Variants in PECAM1 observed in about 807,000 individuals in gnomAD.
PECAM1 encodes platelet and endothelial cell adhesion molecule 1, also known as platelet endothelial cell adhesion molecule.
In PECAM1, 8 loss-of-function variants were observed where a neutral mutation model predicts 13.8. The observed-to-expected ratio is 0.58, with a 90% CI of 0.34 to 1.05. The LOEUF (loss-of-function observed/expected upper bound fraction) is 1.05. PECAM1 is among the 50% of genes least tolerant of loss of function. The pLI, the probability that PECAM1 is intolerant of heterozygous loss-of-function variation, is 0.03. For synonymous variants in PECAM1, 136 were observed against 52.6 expected (o/e 2.58, Z -6.86); for missense variants, 304 against 141.2 (o/e 2.15, Z -5.84).
intron 14 of PECAM1, among the ~76,000 whole-genome samples, chr17:64,334,302 A>G: frequency 6.6e-6 from 1 of 151,790 alleles, no homozygotes; most frequent in East Asian, 1.9e-4. Context: ...CCTATTGCTT[A>G]TCTAGGGGAG....
chr17:64,385,587 C>T (rs1254253993), intron 2 of PECAM1, among the ~76,000 whole-genome samples: 1 of 152,134 alleles, frequency 6.6e-6, no homozygotes, highest in East Asian at 1.9e-4. Flanking sequence ...AGACATGTGT[C>T]GAGAACCTGT....
In PECAM1 at chr17:64,357,833, C is replaced by A. The variant is rs2035879443; in HGVS notation, c.1493-1435G>T. ...GACCCAGTTTAAACCAACAGCTTCA[C>A]ATGGGCTTCACATTAGCCTCTAACG... On this transcript the variant is annotated intron_variant, in intron 7 of 15. Transcript: ENST00000563924. Among the ~76,000 whole-genome samples the A allele has an allele frequency of 1.3e-5, 2 of 152,170 alleles. 1 individual carries two copies. The highest frequency in any genetic ancestry group is 4.1e-4 in the South Asian group (2 of 4,834).
At position 64,333,788 on chromosome 17, in the gene PECAM1, T is replaced by G. The variant is rs1046563461; in HGVS notation, c.2165-4066A>C. 2.6e-5 allele frequency among the ~76,000 whole-genome samples: 4 copies of G among 151,404 alleles called. No individual in the cohort carries two copies. In the South Asian group the frequency reaches 8.4e-4, roughly 32 times the overall value. ...GCCTGGCCAATGTGACGAAACCCCA[T>G]CTCTACTAAAATATAAAAATATTTT... On this transcript the variant is annotated intron_variant, in intron 14 of 15. Coordinates refer to ENST00000563924, the MANE Select transcript of PECAM1 (RefSeq NM_000442.5).
At chr17:64,329,605 G>T (rs1555646255) in intron 15 of PECAM1, 95 bp downstream of exon 15, 1 of 710,486 alleles carries the variant, frequency 1.4e-6, no homozygotes, top group Non-Finnish European at 2.6e-6. Flanking sequence ...GAGCGGGGAA[G>T]AATTCATGTG....
intron 2 of PECAM1, chr17:64,378,777 C>CT (rs2036419205): frequency 6.6e-6 from 1 of 152,242 alleles, no homozygotes; most frequent in African/African-American, 2.4e-5. Context: ...CAGCTAGACT[C>CT]TCTGAGCTCA....
intron 11 of PECAM1, 78 bp from the exon 12 acceptor site, chr17:64,350,511 CT>C: frequency 2.4e-6 from 1 of 411,098 alleles, no homozygotes; most frequent in Non-Finnish European, 4.4e-6. Flanking sequence ...TTCAGTACCC[CT>C]AACAAAGTCA....
At chr17:64,337,939 A>T (rs2035325403) in intron 14 of PECAM1, among the ~76,000 whole-genome samples, 1 of 151,536 alleles carries the variant, frequency 6.6e-6, no homozygotes, top group Non-Finnish European at 1.5e-5. Flanking sequence ...AGGCAGATTA[A>T]CAAGAGAAAA....
At chr17:64,333,479 C>T (rs1312371271) in intron 14 of PECAM1, among the ~76,000 whole-genome samples, 2 of 152,028 alleles carry the variant, frequency 1.3e-5, no homozygotes, top group Admixed American at 1.3e-4. Context: ...GGGGGCTGTC[C>T]TGTGCATTGT....
intron 14 of PECAM1, among the ~76,000 whole-genome samples, chr17:64,340,873 G>A (rs897645627): frequency 5.3e-5 from 8 of 152,048 alleles, no homozygotes; most frequent in South Asian, 2.1e-4. Context: ...CGAGGCGCGC[G>A]GATTACCTGA....
intron 14 of PECAM1, among the ~76,000 whole-genome samples, chr17:64,330,945 A>G (rs193168443): frequency 3.0e-4 from 46 of 152,332 alleles, no homozygotes; most frequent in Non-Finnish European, 2.2e-4. Flanking sequence ...ATGTACAACT[A>G]TTGACTTCAC....
intron 7 of PECAM1, 142 bp downstream of exon 7, chr17:64,359,998 G>C: frequency 2.1e-6 from 1 of 466,736 alleles, no homozygotes; most frequent in Non-Finnish European, 3.9e-6. Context: ...ATGATTCACC[G>C]GCCTTGGCCT....
intron 2 of PECAM1, among the ~76,000 whole-genome samples, chr17:64,387,885 C>T (rs1423173935): frequency 1.3e-5 from 2 of 152,118 alleles, no homozygotes; most frequent in African/African-American, 2.4e-5. Flanking sequence ...AGCCGCAGAG[C>T]GGGAGACTCA....
intron 9 of PECAM1, among the ~76,000 whole-genome samples, chr17:64,354,391 C>T (rs905821085): frequency 6.6e-6 from 1 of 152,172 alleles, no homozygotes; most frequent in Non-Finnish European, 1.5e-5. Flanking sequence ...GGCCCCTCCT[C>T]ACCCCATCTT....
intron 4 of PECAM1, among the ~76,000 whole-genome samples, chr17:64,372,615 G>A (rs974029582): frequency 6.6e-6 from 1 of 152,060 alleles, no homozygotes; most frequent in African/African-American, 2.4e-5. Flanking sequence ...TGATCCTCCT[G>A]CCTCAGCCTC....
At chr17:64,370,888 G>A (rs1321638301) in intron 4 of PECAM1, among the ~76,000 whole-genome samples, 14 of 152,136 alleles carry the variant, frequency 9.2e-5, no homozygotes, top group Non-Finnish European at 1.8e-4. Flanking sequence ...AGTGAACTTA[G>A]AGTACTCTAA....
chr17:64,373,112 C>CAAAT lies in PECAM1; in HGVS notation c.691+1935_691+1938dup, dbSNP rs1436473057. ...GGGCAACAAGAGTGAAACTCTGTCT[C>CAAAT]AAATAAATAAATAAATAAATAAATA... On this transcript the variant is annotated intron_variant, in intron 4 of 15. Transcript: ENST00000563924. Among the ~76,000 whole-genome samples, 838 of 142,188 alleles carry CAAAT rather than the reference C, an allele frequency of 5.9e-3. 7 individuals carry two copies. The highest frequency in any genetic ancestry group is 0.02 in the African/African-American group (779 of 38,360). 93.3% of individuals were successfully genotyped at this position (142,188 alleles called of 152,430 possible). A position where few individuals can be genotyped will look rare whatever the true frequency, so the allele number is the denominator to read the frequency against.
chr17:64,331,103 G>C (rs888234454), intron 14 of PECAM1, among the ~76,000 whole-genome samples: 1 of 152,108 alleles, frequency 6.6e-6, no homozygotes, highest in South Asian at 2.1e-4. Flanking sequence ...AGAGGAGGAG[G>C]CAGAAGCATT....
chr17:64,330,180 T>A (rs1555646435), intron 14 of PECAM1, among the ~76,000 whole-genome samples: 1 of 152,014 alleles, frequency 6.6e-6, no homozygotes. Flanking sequence ...CATGCCTGGC[T>A]AATTTTTTTT....
At chr17:64,368,931 CTTTTTTTTTT>C (rs1176037024) in intron 5 of PECAM1, among the ~76,000 whole-genome samples, 19 of 75,076 alleles carry the variant, frequency 2.5e-4, no homozygotes, top group African/African-American at 9.9e-4. Context: ...ATTGTCATTT[CTTTTTTTTTT>C]TTTTTTTTTT....
Sources: allele counts gnomAD v4.1 joint callset (sites outside exome capture counted in the v4.1 genomes callset), GRCh38; gene constraint gnomAD v4.1.1; transcripts MANE v1.5; gene names NCBI Gene and HGNC (gene_info 2026-07-23, HGNC 2026-07-21).